Variants in KIF21B observed in about 807,000 individuals in gnomAD.
KIF21B encodes the protein kinesin-like protein KIF21B.
Under a neutral mutation model 192.9 loss-of-function variants are expected in KIF21B, and 85 were observed. That is an observed-to-expected ratio of 0.44 (90% CI 0.37 to 0.53). The LOEUF is 0.53. KIF21B is among the 20% of genes least tolerant of loss of function. The pLI is 0.00. For synonymous variants in KIF21B, 832 were observed against 884.6 expected (o/e 0.94, Z 1.05); for missense variants, 1,716 against 2,194.8 (o/e 0.78, Z 4.36).
intron 28 of KIF21B, 71 bp from the exon 29 acceptor site, chr1:200,981,167 G>T (rs751873223): frequency 1.3e-6 from 2 of 1,502,678 alleles, no homozygotes; most frequent in Non-Finnish European, 1.8e-6. Flanking sequence ...ATCAAGGCAC[G>T]TGTGTGGGAT....
chr1:200,979,661 T>C lies in KIF21B; in HGVS notation c.4034A>G (p.Lys1345Arg), dbSNP rs763821874. 1.0e-5 allele frequency: 16 copies of C among 1,584,092 alleles called. No homozygotes were observed. Among genetic ancestry groups the C allele is most frequent in the Non-Finnish European group, 1.4e-5 (16 of 1,165,416 alleles). ...LVTGQEIAAL[K>R]GHPNNVVSIK... ...GGAGACCACGTTGTTGGGGTGGCCC[T>C]TTAGAGCTGCGATCTCCTGTCCCGT... Residue 1345 changes from lysine to arginine, a missense_variant, in exon 30 of 35, where the codon AAG (lysine) becomes AGG (arginine). Transcript: ENST00000461742.
Position 201,012,320 on chromosome 1 carries a change from C to T in KIF21B, c.42-2832G>A, listed in dbSNP as rs375193907. On this transcript the variant is annotated intron_variant, in intron 1 of 34. Transcript: ENST00000461742. ...GACCCTGGTTGAGTCACCAATTCCC[C>T]AAGCAACTTACCTGGAAGAGGGAGA... is the stretch of plus-strand genomic sequence containing the variant. 6.6e-5 allele frequency among the ~76,000 whole-genome samples: 10 copies of T among 152,304 alleles called. No individual in the cohort carries two copies. The East Asian group carries it at 7.7e-4, about 12-fold the overall frequency.
In KIF21B at chr1:201,007,369, C is replaced by CAGAG. The variant is rs1558023609; in HGVS notation, c.447+1399_447+1400insCTCT. Among the ~76,000 whole-genome samples the CAGAG allele has an allele frequency of 6.1e-4, 57 of 93,024 alleles. 11 individuals are homozygous for CAGAG. Among genetic ancestry groups the CAGAG allele is most frequent in the African/African-American group, 2.6e-3 (57 of 21,900 alleles). The allele number at this position is 93,024 out of a possible 152,430, so 61.0% of individuals were successfully genotyped here. ...AGAGACACATAGACACACACACACA[C>CAGAG]ACAGAGACAGAGACACACAGACACA... On this transcript the variant is annotated intron_variant, in intron 3 of 34. Coordinates refer to ENST00000461742, the MANE Select transcript of KIF21B (RefSeq NM_001252102.2).
rs1221805969 is a variant in KIF21B, at chr1:200,984,858, C to T, written c.3803+1G>A. 5.1e-6 allele frequency: 8 copies of T among 1,564,554 alleles called. No individual in the cohort carries two copies. Among genetic ancestry groups the T allele is most frequent in the Non-Finnish European group, 6.9e-6 (8 of 1,157,828 alleles). On this transcript the variant is annotated splice_donor_variant, in intron 27 of 34. Coordinates refer to ENST00000461742, the MANE Select transcript of KIF21B (RefSeq NM_001252102.2). LOFTEE classifies it high-confidence loss of function. ...CCCACTTGCCCTCCAGCCCTGCTTA[C>T]TTGTCCAGCGCTGACCCCTGGCTCT...
chr1:200,999,419 G>C lies in KIF21B; in HGVS notation c.1815C>G (p.Arg605=). The change falls in exon 13 of 35, where the codon CGC becomes CGG. Residue 605 remains arginine, a synonymous_variant. Transcript: ENST00000461742. The surrounding 1 kb of genome is among the most constrained non-coding windows in gnomAD (Gnocchi z 4.7). ...TGCCCGAGTCCTCATCTTCATCCTC[G>C]CGCCCTTCCTCCTCCTCACAGCCAC... is the stretch of plus-strand genomic sequence containing the variant. ...DESGCEEEEG[R]EDEDEDSGSE... is the part of the protein sequence containing the mutation. 2 of 1,613,894 alleles carry C rather than the reference G, an allele frequency of 1.2e-6. No individual in the cohort carries two copies. Among genetic ancestry groups the C allele is most frequent in the Non-Finnish European group, 1.7e-6 (2 of 1,179,938 alleles).
chr1:201,005,966 G>A (rs1011353033), intron 3 of KIF21B, among the ~76,000 whole-genome samples: 1 of 152,240 alleles, frequency 6.6e-6, no homozygotes, highest in Admixed American at 6.5e-5. Context: ...ACCAAAAGAG[G>A]ACAAAGGGAC....
chr1:200,993,638 T>C (rs976568072), intron 15 of KIF21B, among the ~76,000 whole-genome samples: 3 of 152,030 alleles, frequency 2.0e-5, no homozygotes, highest in Admixed American at 1.3e-4. Flanking sequence ...TAGTCCCACC[T>C]ACTCAGGAGG....
chr1:201,020,627 C>T (rs1007021045), intron 1 of KIF21B, among the ~76,000 whole-genome samples: 10 of 152,254 alleles, frequency 6.6e-5, no homozygotes, highest in African/African-American at 2.4e-4. Context: ...AACTTTCTTC[C>T]CTTACCCTGA....
chr1:201,018,142 T>C (rs1658608756), intron 1 of KIF21B, among the ~76,000 whole-genome samples: 1 of 152,102 alleles, frequency 6.6e-6, no homozygotes, highest in Admixed American at 6.5e-5. Context: ...TTCTAGAGGG[T>C]AAAATGAAAG....
intron 26 of KIF21B, among the ~76,000 whole-genome samples, chr1:200,985,795 C>CCCTCA (rs1303679290): frequency 3.1e-5 from 3 of 97,916 alleles, no homozygotes; most frequent in Non-Finnish European, 6.1e-5. Flanking sequence ...CCCTCCCCTC[C>CCCTCA]CCTCCCCTCC....
intron 31 of KIF21B, 152 bp downstream of exon 31, chr1:200,977,060 T>C: frequency 1.9e-6 from 2 of 1,032,712 alleles, no homozygotes; most frequent in Non-Finnish European, 2.8e-6. Context: ...ATCCCAGCAG[T>C]CTCACTGGAG....
At chr1:200,985,802 C>CTCCCT (rs1656253655) in intron 26 of KIF21B, among the ~76,000 whole-genome samples, 1 of 102,740 alleles carries the variant, frequency 9.7e-6, no homozygotes, top group African/African-American at 4.3e-5. Context: ...CTCCCCTCCC[C>CTCCCT]TCCCCTCCCT....
At chr1:200,977,037 T>C in intron 31 of KIF21B, 144 bp from the exon 32 acceptor site, 3 of 950,500 alleles carry the variant, frequency 3.2e-6, no homozygotes, top group East Asian at 2.5e-5. Flanking sequence ...AATCTAGACA[T>C]GAGCTACCCT....
At chr1:200,993,611 G>A (rs1053688026) in intron 15 of KIF21B, among the ~76,000 whole-genome samples, 2 of 152,054 alleles carry the variant, frequency 1.3e-5, no homozygotes, top group African/African-American at 4.8e-5. Flanking sequence ...CTAGCCCGGT[G>A]TGGTGGTGTG....
rs1255525237 is a variant in KIF21B at position 201,002,210 on chromosome 1, G to A, written c.1353C>T (p.Arg451=). The part of the protein sequence containing the change: ...MQEAIDAINN[R]VTQLMSQEAN... ...CCTCCTGGCTCATGAGCTGGGTGAC[G>A]CGGTTGTTGATGGCATCGATGGCCT... Residue 451 remains arginine, a synonymous_variant, in exon 9 of 35, where the codon CGC becomes CGT. Coordinates refer to ENST00000461742, the MANE Select transcript of KIF21B (RefSeq NM_001252102.2). The A allele has an allele frequency of 1.2e-5, 19 of 1,614,060 alleles. No homozygotes were observed. The highest frequency in any genetic ancestry group is 8.9e-5 in the East Asian group (4 of 44,900).
chr1:201,004,209 C>T, intron 7 of KIF21B, 131 bp downstream of exon 7: 1 of 728,610 alleles, frequency 1.4e-6, no homozygotes, highest in Non-Finnish European at 2.3e-6. Flanking sequence ...GTTCCTACCT[C>T]CTAAACCTGC....
chr1:200,980,630 A>G (rs1655849083), intron 29 of KIF21B, among the ~76,000 whole-genome samples: 2 of 152,216 alleles, frequency 1.3e-5, no homozygotes, highest in Admixed American at 1.3e-4. Flanking sequence ...CTGAGATCAT[A>G]GGGAGTGCCT....
intron 30 of KIF21B, among the ~76,000 whole-genome samples, chr1:200,978,296 G>A (rs373658920): frequency 7.2e-5 from 11 of 151,976 alleles, no homozygotes; most frequent in East Asian, 5.8e-4. Flanking sequence ...TGATCTGCCC[G>A]CCTCGGCCTC....
rs113600659 is a variant in KIF21B, at chr1:201,012,631, CTATGTATG to C, written c.42-3151_42-3144del. On this transcript the variant is annotated intron_variant, in intron 1 of 34. Coordinates refer to ENST00000461742, the MANE Select transcript of KIF21B (RefSeq NM_001252102.2). ...TCAAGCTGCTTTCTGTCAGAAAACT[CTATGTATG>C]TATGTATGTATGTATGTTTTTGAGA... 4.5e-3 allele frequency among the ~76,000 whole-genome samples: 682 copies of C among 150,468 alleles called. 6 individuals carry two copies. Among genetic ancestry groups the C allele is most frequent in the African/African-American group, 0.016 (653 of 40,674 alleles).
Sources: allele counts gnomAD v4.1 joint callset (sites outside exome capture counted in the v4.1 genomes callset), GRCh38; gene constraint gnomAD v4.1.1; non-coding constraint Gnocchi (gnomAD v3.1); transcripts MANE v1.5; gene names NCBI Gene and HGNC (gene_info 2026-07-23, HGNC 2026-07-21).